PIWIL4: variants seen among roughly 807,000 people sequenced by gnomAD.
PIWIL4 encodes piwi-like protein 4.
PIWIL4 carries 50 observed loss-of-function variants against 100.9 expected under a neutral mutation model. The ratio of observed to expected loss-of-function variants is 0.50; its 90% CI spans 0.39 to 0.63. PIWIL4 has a LOEUF of 0.63. PIWIL4 is among the 20% of genes least tolerant of loss of function. The pLI, the probability that PIWIL4 is intolerant of heterozygous loss-of-function variation, is 0.00. For synonymous variants in PIWIL4, 342 were observed against 367.5 expected, an observed-to-expected ratio of 0.93 and a Z score of 0.79; for missense variants, 887 against 1,043.3, an observed-to-expected ratio of 0.85 and a Z score of 2.06.
Position 94,575,143 on chromosome 11 carries a change from A to G in PIWIL4, c.298+13A>G, listed in dbSNP as rs1948220177. 1 of 1,610,854 alleles carries G rather than the reference A, an allele frequency of 6.2e-7. No individual in the cohort carries two copies. Among genetic ancestry groups the G allele is most frequent in the Admixed American group, 1.7e-5 (1 of 59,330 alleles). ...AATTGTAAAACAGGTACCCAGTTTT[A>G]TGTCACTTACTTTTTTAATGTTACC... On this transcript the variant is annotated intron_variant, in intron 3 of 19. Transcript: ENST00000299001.
At chr11:94,618,248 T>G in intron 17 of PIWIL4, 141 bp downstream of exon 17, 1 of 803,992 alleles carries the variant, frequency 1.2e-6, no homozygotes, top group South Asian at 2.9e-5. Context: ...CCAGTAGAGC[T>G]CTATCATTTC....
intron 2 of PIWIL4, among the ~76,000 whole-genome samples, chr11:94,574,171 A>G (rs1948203301): frequency 6.6e-6 from 1 of 152,212 alleles, no homozygotes; most frequent in South Asian, 2.1e-4. Flanking sequence ...TTTTAATTTC[A>G]TGTTTTCTAG....
chr11:94,577,506 A>C lies in PIWIL4; in HGVS notation c.513+14A>C. On this transcript the variant is annotated intron_variant, in intron 4 of 19. Coordinates refer to ENST00000299001, the MANE Select transcript of PIWIL4 (RefSeq NM_152431.3). ...CTAGAAGAAAAGGTATAGTATGATT[A>C]GTTTTTTTACTGTATATGTGGGTGT... is the stretch of plus-strand genomic sequence containing the variant. The C allele has an allele frequency of 6.3e-7, 1 of 1,597,536 alleles. No homozygotes were observed. The highest frequency in any genetic ancestry group is 2.2e-5 in the East Asian group (1 of 44,670).
At chr11:94,611,697 G>T (rs1389668355) in intron 15 of PIWIL4, among the ~76,000 whole-genome samples, 2 of 152,044 alleles carry the variant, frequency 1.3e-5, no homozygotes, top group Non-Finnish European at 2.9e-5. Flanking sequence ...ACAGCTGGCG[G>T]TTTAAAAGAG....
chr11:94,568,869 C>T, intron 2 of PIWIL4, 61 bp downstream of exon 2: 1 of 1,457,574 alleles, frequency 6.9e-7, no homozygotes, highest in Admixed American at 1.7e-5. Context: ...AAGAGGAGCC[C>T]TGCCAGGCCT....
At chr11:94,576,411 G>A (rs771111422) in intron 3 of PIWIL4, among the ~76,000 whole-genome samples, 10 of 152,152 alleles carry the variant, frequency 6.6e-5, no homozygotes, top group Admixed American at 1.3e-4. Flanking sequence ...TGAGATTACA[G>A]GTGTGAGCCA....
intron 13 of PIWIL4, among the ~76,000 whole-genome samples, chr11:94,606,852 AG>A (rs1161552430): frequency 6.7e-6 from 1 of 149,246 alleles, no homozygotes; most frequent in Non-Finnish European, 1.5e-5. Flanking sequence ...AAAAAAAGCC[AG>A]GGGACTTGAA....
intron 4 of PIWIL4, among the ~76,000 whole-genome samples, chr11:94,583,042 A>ATGTG (rs112392209): frequency 0.024 from 3,358 of 140,362 alleles, 112 homozygotes; most frequent in African/African-American, 0.078. Flanking sequence ...GTATATATAT[A>ATGTG]TATGTGTGTG....
Position 94,616,488 on chromosome 11 carries a change from T to G in PIWIL4, c.1944-5T>G. ...TTTTACTTTTATTTTTTTTTTTAAC[T>G]TTAGGTGGTTTTCCCGCTGTATCCT... On this transcript the variant is annotated splice_region_variant and splice_polypyrimidine_tract_variant and intron_variant, in intron 15 of 19. Coordinates refer to ENST00000299001, the MANE Select transcript of PIWIL4 (RefSeq NM_152431.3). The G allele has an allele frequency of 7.5e-6, 12 of 1,591,918 alleles. No homozygotes were observed. The highest frequency in any genetic ancestry group is 1.0e-5 in the Non-Finnish European group (12 of 1,172,072).
intron 11 of PIWIL4, among the ~76,000 whole-genome samples, chr11:94,600,990 T>C (rs1948630200): frequency 6.6e-6 from 1 of 151,610 alleles, no homozygotes; most frequent in South Asian, 2.1e-4. Flanking sequence ...GGTGCCCAGA[T>C]TTCATATTGT....
chr11:94,619,067 A>G (rs915024496), intron 17 of PIWIL4, among the ~76,000 whole-genome samples: 3 of 152,252 alleles, frequency 2.0e-5, no homozygotes, highest in African/African-American at 4.8e-5. Context: ...TTCTTGCACT[A>G]TAACATCAAC....
intron 4 of PIWIL4, among the ~76,000 whole-genome samples, chr11:94,580,490 T>A (rs1430752173): frequency 6.6e-6 from 1 of 152,204 alleles, no homozygotes; most frequent in Non-Finnish European, 1.5e-5. Flanking sequence ...GCAGCCAGAC[T>A]GGTGTTGCTA....
chr11:94,593,604 G>A lies in PIWIL4; in HGVS notation c.1113G>A (p.Gln371=). The change falls in exon 9 of 20, where the codon CAG becomes CAA. Residue 371 remains glutamine (Q), a synonymous_variant. Coordinates refer to ENST00000299001, the MANE Select transcript of PIWIL4 (RefSeq NM_152431.3). ...KKKRNDNSEA[Q]LAHLIPELCF... ...AGAGAAATGACAACAGTGAGGCTCA[G>A]CTCGCCCACCTGATACCTGAGCTCT... is the stretch of plus-strand genomic sequence containing the variant. The A allele has an allele frequency of 6.2e-7, 1 of 1,614,038 alleles. No homozygotes were observed. Among genetic ancestry groups the A allele is most frequent in the Non-Finnish European group, 8.5e-7 (1 of 1,179,946 alleles).
At chr11:94,613,007 T>G (rs1948804043) in intron 15 of PIWIL4, among the ~76,000 whole-genome samples, 1 of 152,048 alleles carries the variant, frequency 6.6e-6, no homozygotes, top group Non-Finnish European at 1.5e-5. Flanking sequence ...AAACAACTAT[T>G]ACAGTATTAG....
chr11:94,608,505 TA>T, intron 14 of PIWIL4, 77 bp from the exon 15 acceptor site: 1 of 1,299,286 alleles, frequency 7.7e-7, no homozygotes, highest in South Asian at 1.2e-5. Context: ...AGTCTGTTTT[TA>T]AAAACTTTCC....
rs1433805840 is a variant in PIWIL4, at chr11:94,587,086, A to G, written c.753A>G (p.Ser251=). ...GGCCTGGGTTTGCCATTTCTGTGTC[A>G]TATTTTGAAAGGAAGCTCCTGTTTA... is the stretch of plus-strand genomic sequence containing the variant. ...SLWPGFAISV[S]YFERKLLFSA... is the part of the protein sequence containing the mutation. The change falls in exon 7 of 20, where the codon TCA becomes TCG. Residue 251 remains serine (S), a synonymous_variant. Coordinates refer to ENST00000299001, the MANE Select transcript of PIWIL4 (RefSeq NM_152431.3). 1 of 1,613,720 alleles carries G rather than the reference A, an allele frequency of 6.2e-7. No individual in the cohort carries two copies. The highest frequency in any genetic ancestry group is 8.5e-7 in the Non-Finnish European group (1 of 1,179,826).
chr11:94,605,653 A>G (rs1948706850), intron 13 of PIWIL4, among the ~76,000 whole-genome samples: 1 of 152,194 alleles, frequency 6.6e-6, no homozygotes, highest in African/African-American at 2.4e-5. Context: ...CATCATTATT[A>G]TGATGGTTAA....
At chr11:94,616,779 A>C (rs1263732439) in intron 16 of PIWIL4, among the ~76,000 whole-genome samples, 1 of 152,242 alleles carries the variant, frequency 6.6e-6, no homozygotes, top group East Asian at 1.9e-4. Context: ...GTGTGATAAC[A>C]TGAAGCCAGA....
At chr11:94,579,118 A>C (rs1037977288) in intron 4 of PIWIL4, among the ~76,000 whole-genome samples, 50 of 152,246 alleles carry the variant, frequency 3.3e-4, no homozygotes, top group African/African-American at 1.0e-3. Context: ...CAGAACTTTA[A>C]ATTAATTCTA....
Sources: gnomAD v4.1 joint callset for allele counts (sites outside exome capture counted in the v4.1 genomes callset) on GRCh38, gnomAD v4.1.1 for gene constraint, MANE v1.5 for transcripts, NCBI Gene and HGNC (gene_info 2026-07-23, HGNC 2026-07-21) for gene names.